Variants in BTRC observed in about 807,000 individuals in gnomAD.
BTRC encodes beta-transducin repeat containing E3 ubiquitin protein ligase.
A neutral mutation model predicts 85.5 loss-of-function variants in BTRC; 42 were observed. The observed-to-expected ratio is 0.49, with a 90% CI of 0.38 to 0.64. The LOEUF (loss-of-function observed/expected upper bound fraction) is 0.64. BTRC is among the 30% of genes least tolerant of loss of function. The pLI, the probability that BTRC is intolerant of heterozygous loss-of-function variation, is 0.00. For missense variants in BTRC, 594 were observed against 743.5 expected (o/e 0.80, Z 2.34); for synonymous variants, 255 against 263.3 (o/e 0.97, Z 0.30).
At chr10:101,424,883 G>A (rs186490365) in intron 1 of BTRC, among the ~76,000 whole-genome samples, 44 of 152,260 alleles carry the variant, frequency 2.9e-4, no homozygotes, top group Admixed American at 2.4e-3. Flanking sequence ...GAGGTTTGGA[G>A]TCTGAGTGAA....
chr10:101,354,627 A>G, intron 1 of BTRC: 1 of 252,824 alleles, frequency 4.0e-6, no homozygotes, highest in Non-Finnish European at 7.5e-6. Context: ...CCGGGAGAGG[A>G]GGTGCATTCA....
intron 1 of BTRC, among the ~76,000 whole-genome samples, chr10:101,357,746 T>C (rs1318727261): frequency 6.6e-6 from 1 of 152,228 alleles, no homozygotes; most frequent in Non-Finnish European, 1.5e-5. Flanking sequence ...AAAATCCTGT[T>C]AATAAGACTG....
rs527869320 is a variant in BTRC, at chr10:101,537,062, TTA to T, written c.1577+411_1577+412del. 6.5e-3 allele frequency among the ~76,000 whole-genome samples: 988 copies of T among 152,332 alleles called. 5 individuals carry two copies. The highest frequency in any genetic ancestry group is 0.01 in the Non-Finnish European group (705 of 68,026). On this transcript the variant is annotated intron_variant, in intron 12 of 14. Transcript: ENST00000370187. ...CTTGAATTTTGATTTCTTGGGTTTT[TTA>T]TCTCTTTGAGTAATTTTTAAGAGTA... is the stretch of plus-strand genomic sequence containing the variant.
rs574171306 is a variant in BTRC at position 101,509,496 on chromosome 10, C to T, written c.325-12143C>T. Among the ~76,000 whole-genome samples the T allele has an allele frequency of 7.4e-5, 11 of 149,380 alleles. No individual in the cohort carries two copies. In the East Asian group the frequency reaches 7.8e-4, roughly 11 times the overall value. ...GTCTCGATCTCCTGACCTCGTGATC[C>T]GCCCGCCTCGGCCTCCCAAAGTGCT... On this transcript the variant is annotated intron_variant, in intron 4 of 14. Transcript: ENST00000370187.
At chr10:101,368,324 A>G (rs1331617283) in intron 1 of BTRC, among the ~76,000 whole-genome samples, 1 of 152,188 alleles carries the variant, frequency 6.6e-6, no homozygotes, top group Admixed American at 6.5e-5. Flanking sequence ...AGCAGATGCT[A>G]GCACCATGCT....
In BTRC at chr10:101,553,229, G is replaced by A. The variant is rs1399385670; in HGVS notation, c.*106G>A. ...CAACAACAGTAACAATCAAACTACT[G>A]CCCAGTTTCCCTGGACTAGCCGAGG... is the stretch of plus-strand genomic sequence containing the variant. On this transcript the variant is annotated 3_prime_UTR_variant, in exon 15 of 15. Coordinates refer to ENST00000370187, the MANE Select transcript of BTRC (RefSeq NM_033637.4). 2.6e-5 allele frequency: 4 copies of A among 152,632 alleles called. No homozygotes were observed. Among genetic ancestry groups the A allele is most frequent in the Admixed American group, 6.5e-5 (1 of 15,274 alleles). The allele number at this position is 152,632 out of a possible 1,614,324, so 9.5% of individuals were successfully genotyped here. A position where few individuals can be genotyped will look rare whatever the true frequency, so the allele number is the denominator to read the frequency against.
chr10:101,444,671 A>T (rs1216483683), intron 2 of BTRC, among the ~76,000 whole-genome samples: 3 of 152,204 alleles, frequency 2.0e-5, no homozygotes, highest in Admixed American at 2.0e-4. Context: ...AACCTCTTAA[A>T]AAGAATACAA....
chr10:101,442,376 T>C (rs1944710981), intron 2 of BTRC, among the ~76,000 whole-genome samples: 1 of 151,168 alleles, frequency 6.6e-6, no homozygotes, highest in Non-Finnish European at 1.5e-5. Flanking sequence ...ACTGATGGTG[T>C]GTACTGTGCT....
At chr10:101,540,639 A>G (rs1289090820) in intron 13 of BTRC, among the ~76,000 whole-genome samples, 1 of 152,204 alleles carries the variant, frequency 6.6e-6, no homozygotes, top group African/African-American at 2.4e-5. Flanking sequence ...TCAACCAAAA[A>G]AGTCTGCTGG....
At chr10:101,438,450 A>AAAG (rs1944594609) in intron 2 of BTRC, among the ~76,000 whole-genome samples, 4 of 140,892 alleles carry the variant, frequency 2.8e-5, no homozygotes, top group Non-Finnish European at 4.7e-5. Flanking sequence ...AAAAAAAAAA[A>AAAG]GTCTTCTCAT....
In BTRC at chr10:101,399,889, C is replaced by T. The variant is rs559470885; in HGVS notation, c.49-30456C>T. Among the ~76,000 whole-genome samples the T allele has an allele frequency of 2.0e-5, 3 of 152,258 alleles. No homozygotes were observed. The East Asian group carries it at 5.8e-4, about 29-fold the overall frequency. ...CATTTCACAATTTCTTGTCATATCT[C>T]ACTTGCTTCAGAAATACTCATTTTG... On this transcript the variant is annotated intron_variant, in intron 1 of 14. Transcript: ENST00000370187.
chr10:101,524,335 C>G (rs1190039761), intron 5 of BTRC, among the ~76,000 whole-genome samples: 1 of 152,138 alleles, frequency 6.6e-6, no homozygotes, highest in Non-Finnish European at 1.5e-5. Flanking sequence ...GTCACTGAGA[C>G]ATGTTACTAT....
intron 1 of BTRC, among the ~76,000 whole-genome samples, chr10:101,411,202 C>T (rs578049932): frequency 3.3e-5 from 5 of 152,072 alleles, no homozygotes; most frequent in Non-Finnish European, 7.4e-5. Context: ...CCATGTTGGC[C>T]AGGCTGGTCT....
At chr10:101,397,865 G>C (rs970971768) in intron 1 of BTRC, among the ~76,000 whole-genome samples, 2 of 152,184 alleles carry the variant, frequency 1.3e-5, no homozygotes, top group Admixed American at 6.5e-5. Flanking sequence ...TAAACATCCT[G>C]TAAGTGTGAA....
chr10:101,531,272 G>A lies in BTRC; in HGVS notation c.779G>A (p.Gly260Glu), dbSNP rs1484846982. ...QYLFKNKPPD[G>E]NAPPNSFYRA... Reference sequence around the variant, plus strand: ...TTATTCAAAAACAAACCTCCTGACGGGAATGCTCCTCCCAACTCTTTTTAT... The same window carrying A: ...TTATTCAAAAACAAACCTCCTGACGAGAATGCTCCTCCCAACTCTTTTTAT... Residue 260 changes from glycine (G) to glutamate (E), a missense_variant, in exon 7 of 15, where the codon GGG (glycine) becomes GAG (glutamate). Coordinates refer to ENST00000370187, the MANE Select transcript of BTRC (RefSeq NM_033637.4). 3.7e-6 allele frequency: 6 copies of A among 1,610,388 alleles called. No homozygotes were observed. Among genetic ancestry groups the A allele is most frequent in the Non-Finnish European group, 5.1e-6 (6 of 1,176,822 alleles).
chr10:101,407,699 G>A (rs887875200), intron 1 of BTRC, among the ~76,000 whole-genome samples: 6 of 147,738 alleles, frequency 4.1e-5, no homozygotes, highest in Non-Finnish European at 7.4e-5. Context: ...CTAACACAGT[G>A]TAGTTTAAAC....
chr10:101,436,477 T>C (rs2134097199), intron 2 of BTRC, among the ~76,000 whole-genome samples: 1 of 152,192 alleles, frequency 6.6e-6, no homozygotes, highest in Non-Finnish European at 1.5e-5. Flanking sequence ...AGACCCTGTC[T>C]CTACAAAAAA....
At chr10:101,475,427 C>A (rs554708072) in intron 3 of BTRC, among the ~76,000 whole-genome samples, 1 of 152,234 alleles carries the variant, frequency 6.6e-6, no homozygotes, top group South Asian at 2.1e-4. Context: ...GTAATCCCAG[C>A]TACTTGGTAG....
In BTRC at chr10:101,492,877, A is replaced by G. The variant is rs537147672; in HGVS notation, c.324+13420A>G. Reference sequence around the variant, plus strand: ...AATTAATATAAACTTGAATACATCTAGCCTGGGACACTAGAGGAGCTACTG... The same window carrying G: ...AATTAATATAAACTTGAATACATCTGGCCTGGGACACTAGAGGAGCTACTG... On this transcript the variant is annotated intron_variant, in intron 4 of 14. Transcript: ENST00000370187. Among the ~76,000 whole-genome samples, 5 of 152,342 alleles carry G rather than the reference A, an allele frequency of 3.3e-5. No homozygotes were observed. In the South Asian group the frequency reaches 1.0e-3, roughly 32 times the overall value.
Sources: gnomAD v4.1 joint callset for allele counts (sites outside exome capture counted in the v4.1 genomes callset) on GRCh38, gnomAD v4.1.1 for gene constraint, MANE v1.5 for transcripts, NCBI Gene and HGNC (gene_info 2026-07-23, HGNC 2026-07-21) for gene names.